NSD1: variants seen among roughly 807,000 people sequenced by gnomAD.
NSD1 encodes histone-lysine N-methyltransferase, H3 lysine-36 specific.
Under a neutral mutation model 242.7 loss-of-function variants are expected in NSD1, and 26 were observed. The observed-to-expected ratio is 0.11, with a 90% CI of 0.08 to 0.15. The LOEUF (loss-of-function observed/expected upper bound fraction) is 0.15, where lower values mean the gene tolerates loss of function less well. Ranked by LOEUF, NSD1 falls within the 10% of genes least tolerant of loss-of-function variation. The pLI is 1.00. For synonymous variants in NSD1, 1,106 were observed against 1,178.1 expected, an observed-to-expected ratio of 0.94 and a Z score of 1.25; for missense variants, 2,495 against 3,272.8, an observed-to-expected ratio of 0.76 and a Z score of 5.80.
chr5:177,213,329 A>AT (rs1198914292), intron 5 of NSD1, among the ~76,000 whole-genome samples: 1 of 152,248 alleles, frequency 6.6e-6, no homozygotes, highest in Non-Finnish European at 1.5e-5. Context: ...ATATCATAAA[A>AT]TTCAGCTTTT....
intron 3 of NSD1, among the ~76,000 whole-genome samples, chr5:177,195,452 TGTCTCTCTCTCTCTCTCTCCTC>T (rs1212622366): frequency 1.3e-5 from 2 of 149,838 alleles, no homozygotes; most frequent in Admixed American, 6.6e-5. Context: ...CTCATTAGGG[TGTCTCTCTCTCTCTCTCTCCTC>T]GTCTCTCTTT....
chr5:177,208,944 C>A (rs1444026399), intron 4 of NSD1, among the ~76,000 whole-genome samples: 1 of 152,006 alleles, frequency 6.6e-6, no homozygotes, highest in Non-Finnish European at 1.5e-5. Flanking sequence ...GATTCGTCCT[C>A]CTCAGCCTCT....
At chr5:177,142,319 TAAAA>T (rs756098253) in intron 2 of NSD1, among the ~76,000 whole-genome samples, 9 of 152,154 alleles carry the variant, frequency 5.9e-5, no homozygotes, top group East Asian at 1.9e-4. Flanking sequence ...ATAAAAAAAT[TAAAA>T]AAAGGAAAGA....
chr5:177,235,698 A>T (rs1022185452), intron 5 of NSD1, 123 bp from the exon 6 acceptor site: 1 of 1,281,324 alleles, frequency 7.8e-7, no homozygotes, highest in Non-Finnish European at 1.1e-6. Context: ...ATCTTAAGCC[A>T]TAGTCTATTT....
intron 12 of NSD1, among the ~76,000 whole-genome samples, chr5:177,252,751 T>C (rs1383893063): frequency 1.3e-5 from 2 of 151,092 alleles, no homozygotes; most frequent in African/African-American, 4.9e-5. Flanking sequence ...AAGGGGGTCT[T>C]ACTATGTTGC....
Position 177,210,318 on chromosome 5 carries a change from C to G in NSD1, c.1919C>G (p.Thr640Ser). The G allele has an allele frequency of 1.2e-6, 2 of 1,613,798 alleles. No homozygotes were observed. The highest frequency in any genetic ancestry group is 1.7e-6 in the Non-Finnish European group (2 of 1,179,876). Residue 640 changes from threonine (T) to serine (S), a missense_variant, in exon 5 of 23, where the codon ACC becomes AGC. Physicochemically the swap from Thr to Ser is moderately conservative, Grantham distance 58 (BLOSUM62 1). Around this residue, in one of 19 missense-constraint regions of NSD1, gnomAD observed 515 missense variants for 467.0 expected, o/e 1.10. Transcript: ENST00000439151. ...CGAAGTGATTCCATTAGTATCTGTA[C>G]CACTTCTGATGATGGAAGCAGTGAC... ...EKRSDSISICTTSDDGSSDLD... is the reference protein window; with the variant it reads ...EKRSDSISICSTSDDGSSDLD...
At chr5:177,284,003 G>A (rs574964288) in intron 20 of NSD1, 75 bp downstream of exon 20, 1 of 1,547,050 alleles carries the variant, frequency 6.5e-7, no homozygotes, top group Admixed American at 1.7e-5. Flanking sequence ...AGCTTCCTCA[G>A]ATTATAATTT....
chr5:177,267,771 C>T (rs1484989179), intron 15 of NSD1, 53 bp downstream of exon 15: 11 of 1,530,556 alleles, frequency 7.2e-6, no homozygotes, highest in African/African-American at 6.8e-5. Context: ...TTTCTTGAGA[C>T]CTCTCAGATA....
At chr5:177,132,988 G>C (rs1452341765), upstream of NSD1, 1 of 152,902 alleles carries the variant, frequency 6.5e-6, no homozygotes, top group East Asian at 1.9e-4. The surrounding 1 kb of genome is among the most constrained non-coding windows in gnomAD (Gnocchi z 7.5). Flanking sequence ...GCTTGGCTCA[G>C]GGAGGCAGAC....
intron 17 of NSD1, among the ~76,000 whole-genome samples, chr5:177,275,095 G>A (rs2127246118): frequency 6.6e-6 from 1 of 151,044 alleles, no homozygotes; most frequent in African/African-American, 2.4e-5. Context: ...CCACCATCTT[G>A]AGAATCTAGT....
rs565969958 is a variant in NSD1 at position 177,200,769 on chromosome 5, A to G, written c.1064-3351A>G. Among the ~76,000 whole-genome samples, 57 of 152,296 alleles carry G rather than the reference A, an allele frequency of 3.7e-4. 1 individual carries two copies. Among genetic ancestry groups the G allele is most frequent in the African/African-American group, 1.3e-3 (53 of 41,568 alleles). On this transcript the variant is annotated intron_variant, in intron 3 of 22. Coordinates refer to ENST00000439151, the MANE Select transcript of NSD1 (RefSeq NM_022455.5). ...TCTCAATTTTTTTAAAGGCTACATA[A>G]TACGTCATTGTATTGTAAGTACCAC...
chr5:177,190,547 C>T (rs1761580166), intron 2 of NSD1, among the ~76,000 whole-genome samples: 2 of 152,216 alleles, frequency 1.3e-5, no homozygotes, highest in Admixed American at 6.5e-5. Context: ...ACCTCGGCCT[C>T]CCAGAGTACT....
At chr5:177,246,820 T>G in intron 10 of NSD1, 24 bp downstream of exon 10, 1 of 1,538,768 alleles carries the variant, frequency 6.5e-7, no homozygotes, top group Non-Finnish European at 9.0e-7. Context: ...CCTGATCTTT[T>G]CACCTTCTAA....
Position 177,296,315 on chromosome 5 carries a change from T to C in NSD1, c.*856T>C, listed in dbSNP as rs953617482. ...CTGTGCGAATGTAGATTTCCAGCAG[T>C]GGAAGAAGGCATTTGGCAAGCTTCT... On this transcript the variant is annotated 3_prime_UTR_variant, in exon 23 of 23. Coordinates refer to ENST00000439151, the MANE Select transcript of NSD1 (RefSeq NM_022455.5). The C allele has an allele frequency of 2.6e-5, 6 of 233,474 alleles. No individual in the cohort carries two copies. The highest frequency in any genetic ancestry group is 5.1e-5 in the Non-Finnish European group (6 of 118,270). The allele number at this position is 233,474 out of a possible 1,614,324, so 14.5% of individuals were successfully genotyped here. A position where few individuals can be genotyped will look rare whatever the true frequency, so the allele number is the denominator to read the frequency against.
At chr5:177,265,796 G>T in intron 14 of NSD1, 1 of 1,407,724 alleles carries the variant, frequency 7.1e-7, no homozygotes, top group Non-Finnish European at 1.0e-6. Context: ...GGTCCCTCCG[G>T]TCCTCTTGTG....
At position 177,143,722 on chromosome 5, in the gene NSD1, C is replaced by G. The variant is rs114010517; in HGVS notation, c.927+7692C>G. On this transcript the variant is annotated intron_variant, in intron 2 of 22. Transcript: ENST00000439151. Reference sequence around the variant, plus strand: ...TTAATGTCTCTAAGGCCCATTTCCTCAGTTCTAAATTACGGCTAGTACCTT... The same window carrying G: ...TTAATGTCTCTAAGGCCCATTTCCTGAGTTCTAAATTACGGCTAGTACCTT... Among the ~76,000 whole-genome samples, 819 of 151,888 alleles carry G rather than the reference C, an allele frequency of 5.4e-3. 6 individuals carry two copies. The highest frequency in any genetic ancestry group is 0.019 in the African/African-American group (775 of 41,432).
chr5:177,239,243 A>G (rs1765673286), intron 7 of NSD1, among the ~76,000 whole-genome samples: 2 of 152,220 alleles, frequency 1.3e-5, no homozygotes, highest in South Asian at 4.1e-4. Flanking sequence ...AAGATTTTTG[A>G]AAGAACAGTA....
At chr5:177,268,367 AC>A (rs1757683994) in intron 15 of NSD1, among the ~76,000 whole-genome samples, 1 of 150,524 alleles carries the variant, frequency 6.6e-6, no homozygotes, top group Non-Finnish European at 1.5e-5. Context: ...TAGGAGATAT[AC>A]CTAATGCTAA....
At chr5:177,221,821 T>G (rs912271738) in intron 5 of NSD1, among the ~76,000 whole-genome samples, 1 of 151,836 alleles carries the variant, frequency 6.6e-6, no homozygotes, top group African/African-American at 2.4e-5. Flanking sequence ...TGTTTTTTCT[T>G]TTTTTGAGAC....
Sources: allele counts gnomAD v4.1 joint callset (sites outside exome capture counted in the v4.1 genomes callset), GRCh38; gene constraint gnomAD v4.1.1; regional missense constraint gnomAD v4.1.1; non-coding constraint Gnocchi (gnomAD v3.1); transcripts MANE v1.5; gene names NCBI Gene and HGNC (gene_info 2026-07-23, HGNC 2026-07-21).